The following MATR3 variants were observed in gnomAD, a reference collection of about 807,000 sequenced individuals.
MATR3 encodes matrin-3.
A neutral mutation model predicts 85.5 loss-of-function variants in MATR3; 4 were observed. The ratio of observed to expected loss-of-function variants is 0.05; its 90% CI spans 0.02 to 0.11. The LOEUF (loss-of-function observed/expected upper bound fraction) is 0.11. Ranked by LOEUF, MATR3 falls within the 10% of genes least tolerant of loss-of-function variation. The probability of loss-of-function intolerance (pLI) is 1.00; values close to 1 mark genes in which losing one functional copy is unlikely to be tolerated. For synonymous variants in MATR3, 336 were observed against 343.1 expected, an observed-to-expected ratio of 0.98 and a Z score of 0.23; for missense variants, 685 against 1,016.1, an observed-to-expected ratio of 0.67 and a Z score of 4.43.
intron 12 of MATR3, 137 bp downstream of exon 12, chr5:139,323,104 C>T: frequency 1.1e-6 from 1 of 881,770 alleles, no homozygotes. Flanking sequence ...AGAATATAAA[C>T]ATTTAAATCT....
At chr5:139,278,314 TCTTC>T (rs762401917) in intron 2 of MATR3, 3 of 454,024 alleles carry the variant, frequency 6.6e-6, no homozygotes, top group Admixed American at 2.3e-5. Flanking sequence ...AGTTTGCTTG[TCTTC>T]CTTTTTAGGA....
intron 1 of MATR3, among the ~76,000 whole-genome samples, chr5:139,304,851 A>T (rs530155341): frequency 6.6e-6 from 1 of 152,216 alleles, no homozygotes; most frequent in African/African-American, 2.4e-5. Context: ...TGCCTTTGCT[A>T]ATAGGCAGTG....
chr5:139,315,373 T>A (rs909823633), intron 3 of MATR3: 10 of 290,054 alleles, frequency 3.4e-5, no homozygotes, highest in Non-Finnish European at 5.9e-5. Context: ...AAATCTGTGC[T>A]CTGTTCTTGT....
At chr5:139,320,999 G>T (rs1435812506) in intron 9 of MATR3, among the ~76,000 whole-genome samples, 1 of 148,830 alleles carries the variant, frequency 6.7e-6, no homozygotes, top group Non-Finnish European at 1.5e-5. Flanking sequence ...CTTGTGATCC[G>T]CCCGTCTCGG....
intron 1 of MATR3, chr5:139,294,473 A>ACGCG (rs545311713): frequency 1.0e-3 from 153 of 151,244 alleles, no homozygotes; most frequent in African/African-American, 3.4e-3. Flanking sequence ...CCCGGCCCAC[A>ACGCG]CGCGCGCGCG....
In MATR3 at chr5:139,307,928, C is replaced by T; in HGVS notation, c.513C>T (p.Tyr171=). Residue 171 remains tyrosine, a synonymous_variant, in exon 2 of 15, where the codon TAC becomes TAT. Coordinates refer to ENST00000394805, the MANE Select transcript of MATR3 (RefSeq NM_018834.6). The surrounding 1 kb of genome is among the most constrained non-coding windows in gnomAD (Gnocchi z 4.4). ...DGRSATREPP[Y]RVPRDDWEEK... is the part of the protein sequence containing the mutation. ...GATCTGCTACACGGGAGCCACCATA[C>T]AGAGTACCTAGGGATGATTGGGAAG... 1 of 1,614,094 alleles carries T rather than the reference C, an allele frequency of 6.2e-7. No homozygotes were observed. Among genetic ancestry groups the T allele is most frequent in the Non-Finnish European group, 8.5e-7 (1 of 1,180,000 alleles).
At chr5:139,316,309 G>A (rs946883930) in intron 5 of MATR3, 121 bp downstream of exon 5, 14 of 730,406 alleles carry the variant, frequency 1.9e-5, no homozygotes, top group Middle Eastern at 3.7e-4. Context: ...GCAATGGCAC[G>A]ATCTCGACTC....
intron 12 of MATR3, 76 bp from the exon 13 acceptor site, chr5:139,325,364 A>G (rs1475521912): frequency 1.2e-5 from 19 of 1,588,434 alleles, no homozygotes; most frequent in Non-Finnish European, 1.6e-5. Flanking sequence ...AAGATTCGGA[A>G]CTTCAGAAAC....
Position 139,307,593 on chromosome 5 carries a change from A to G in MATR3, c.178A>G (p.Met60Val). The G allele has an allele frequency of 6.2e-7, 1 of 1,614,198 alleles. No individual in the cohort carries two copies. Among genetic ancestry groups the G allele is most frequent in the Non-Finnish European group, 8.5e-7 (1 of 1,180,044 alleles). ...ARLASLMNLG[M>V]SSSLNQQGAH... ...CCTTGCTAGTTTAATGAATCTTGGA[A>G]TGAGTTCTTCATTGAATCAACAAGG... The change falls in exon 2 of 15, where the codon ATG (methionine) becomes GTG (valine). Residue 60 changes from methionine (M) to valine (V), a missense_variant. Around this residue, in one of 9 missense-constraint regions of MATR3, gnomAD observed 57 missense variants for 68.6 expected, o/e 0.83. Transcript: ENST00000394805. The surrounding 1 kb of genome is among the most constrained non-coding windows in gnomAD (Gnocchi z 4.4).
At position 139,329,364 on chromosome 5, in the gene MATR3, C is replaced by T. The variant is rs1355193293; in HGVS notation, c.2513C>T (p.Ala838Val). The change falls in exon 15 of 15, where the codon GCA (alanine) becomes GTA (valine). Residue 838 changes from alanine to valine, a missense_variant. This residue lies in a region of MATR3 where 45 missense variants were observed against 82.5 expected (regional missense o/e 0.55). Coordinates refer to ENST00000394805, the MANE Select transcript of MATR3 (RefSeq NM_018834.6). ...QKLKKFLNKL[A>V]EERRQKKET ...TTATAGAAATTTCTGAATAAATTGG[C>T]AGAAGAACGCAGACAGAAGAAGGAA... The T allele has an allele frequency of 6.2e-7, 1 of 1,611,662 alleles. No homozygotes were observed. Among genetic ancestry groups the T allele is most frequent in the Non-Finnish European group, 8.5e-7 (1 of 1,178,236 alleles).
chr5:139,320,114 C>T lies in MATR3; in HGVS notation c.1602+613C>T, dbSNP rs560272805. On this transcript the variant is annotated intron_variant, in intron 9 of 14. Transcript: ENST00000394805. The stretch of plus-strand genomic sequence containing the variant: ...ACGAGGTCAGGAGATTGAGATCATC[C>T]TGGCTAACACAGTGAAACCCCCTCT... Among the ~76,000 whole-genome samples the T allele has an allele frequency of 2.0e-5, 3 of 151,724 alleles. No homozygotes were observed. In the South Asian group the frequency reaches 6.3e-4, roughly 32 times the overall value.
intron 2 of MATR3, chr5:139,278,282 T>C (rs1309941569): frequency 2.2e-6 from 1 of 453,704 alleles, no homozygotes; most frequent in Admixed American, 2.4e-5. Context: ...CTATTTATTA[T>C]ATTCTGTGTA....
At chr5:139,319,221 TAGCAAG>T (rs1755414129) in intron 8 of MATR3, 107 bp from the exon 9 acceptor site, 1 of 1,332,560 alleles carries the variant, frequency 7.5e-7, no homozygotes, top group African/African-American at 1.5e-5. Flanking sequence ...CTGGGCAACA[TAGCAAG>T]ACCTCGTCTC....
At chr5:139,309,004 C>G (rs999343573) in intron 2 of MATR3, among the ~76,000 whole-genome samples, 2 of 152,152 alleles carry the variant, frequency 1.3e-5, no homozygotes, top group African/African-American at 4.8e-5. Flanking sequence ...GAGACTTGGA[C>G]AAATCAACTA....
chr5:139,318,514 A>T (rs1366382647), intron 7 of MATR3, among the ~76,000 whole-genome samples: 2 of 151,936 alleles, frequency 1.3e-5, no homozygotes, highest in Non-Finnish European at 2.9e-5. Flanking sequence ...AGTGAGGTTC[A>T]CTGCAGCCTC....
At chr5:139,329,302 TTC>T (rs750580582) in intron 14 of MATR3, 41 bp from the exon 15 acceptor site, 43 of 1,424,588 alleles carry the variant, frequency 3.0e-5, no homozygotes, top group Non-Finnish European at 3.9e-5. Flanking sequence ...TTTGCTGCAT[TTC>T]TCTTAGGTGA....
At chr5:139,305,631 T>G (rs1401288345) in intron 1 of MATR3, among the ~76,000 whole-genome samples, 1 of 152,130 alleles carries the variant, frequency 6.6e-6, no homozygotes, top group Non-Finnish European at 1.5e-5. Context: ...CAAAGAAACT[T>G]TCATCTGAAG....
At chr5:139,280,406 T>C (rs1193901648) in intron 3 of MATR3, among the ~76,000 whole-genome samples, 1 of 152,242 alleles carries the variant, frequency 6.6e-6, no homozygotes, top group African/African-American at 2.4e-5. Context: ...GCAATGTGTC[T>C]TTCTGAAAAG....
At chr5:139,278,936 G>A (rs762547988) in intron 2 of MATR3, 1 of 517,354 alleles carries the variant, frequency 1.9e-6, no homozygotes, top group Non-Finnish European at 3.8e-6. Flanking sequence ...TCTGAGAGTG[G>A]AATGACTCCT....
Sources: gnomAD v4.1 joint callset for allele counts (sites outside exome capture counted in the v4.1 genomes callset) on GRCh38, gnomAD v4.1.1 for gene constraint, gnomAD v4.1.1 regional missense constraint, Gnocchi (gnomAD v3.1) non-coding constraint, MANE v1.5 for transcripts, NCBI Gene and HGNC (gene_info 2026-07-23, HGNC 2026-07-21) for gene names.